The following PRKDC variants were observed in gnomAD, a reference collection of about 807,000 sequenced individuals.
PRKDC encodes DNA-dependent protein kinase catalytic subunit.
Under a neutral mutation model 486.9 loss-of-function variants are expected in PRKDC, and 82 were observed. That is an observed-to-expected ratio of 0.17 (90% CI 0.14 to 0.20). The LOEUF (loss-of-function observed/expected upper bound fraction) is 0.20. Among genes scored for constraint, PRKDC ranks in the 10% least tolerant of loss-of-function variants. The probability of loss-of-function intolerance (pLI) is 1.00; values close to 1 mark genes in which losing one functional copy is unlikely to be tolerated. For missense variants in PRKDC, 4,504 were observed against 5,038.2 expected (o/e 0.89, Z 3.21); for synonymous variants, 1,895 against 1,837.0 (o/e 1.03, Z -0.81).
intron 30 of PRKDC, among the ~76,000 whole-genome samples, chr8:47,895,595 G>A (rs192812945): frequency 1.3e-5 from 2 of 152,140 alleles, no homozygotes; most frequent in East Asian, 1.9e-4. Context: ...TCAGGGTCTC[G>A]GTTTCTACTA....
At chr8:47,897,495 T>C (rs535611418) in intron 29 of PRKDC, among the ~76,000 whole-genome samples, 3 of 152,382 alleles carry the variant, frequency 2.0e-5, no homozygotes, top group Non-Finnish European at 4.4e-5. Flanking sequence ...ATGCTGCTCA[T>C]GTTCATTTTT....
At chr8:47,798,658 T>C (rs572981207) in intron 72 of PRKDC, among the ~76,000 whole-genome samples, 4 of 152,316 alleles carry the variant, frequency 2.6e-5, no homozygotes, top group South Asian at 2.1e-4. Flanking sequence ...CTGGTGGTTA[T>C]TGAATTTATT....
At position 47,776,884 on chromosome 8, in the gene PRKDC, T is replaced by C. The variant is rs773752536; in HGVS notation, c.12142A>G (p.Lys4048Glu). 1.9e-6 allele frequency: 3 copies of C among 1,613,990 alleles called. No individual in the cohort carries two copies. Among genetic ancestry groups the C allele is most frequent in the South Asian group, 1.1e-5 (1 of 91,064 alleles). The change falls in exon 85 of 86, where the codon AAG (lysine) becomes GAG (glutamate). Residue 4048 changes from lysine to glutamate, a missense_variant. Around this residue, in one of 6 missense-constraint regions of PRKDC, gnomAD observed 706 missense variants for 945.0 expected, o/e 0.75. Transcript: ENST00000314191. Reference sequence around the variant, plus strand: ...GGATTGGCACCTGCTAACTTTCTCTTAGCGTAACATATTTTCTGTCGGGGG... The same window carrying C: ...GGATTGGCACCTGCTAACTTTCTCTCAGCGTAACATATTTTCTGTCGGGGG... ...WYPRQKICYA[K>E]RKLAGANPAV...
At position 47,939,671 on chromosome 8, in the gene PRKDC, T is replaced by C; in HGVS notation, c.993A>G (p.Ala331=). The stretch of plus-strand genomic sequence containing the variant: ...ACTGCAGTTTATTTTTATGCATTTC[T>C]GCATTTTTCGCCACCATATTAGAAA... The part of the protein sequence containing the change: ...KQVSNMVAKN[A]EMHKNKLQYF... The change falls in exon 11 of 86, where the codon GCA becomes GCG. Residue 331 remains alanine, a synonymous_variant. Transcript: ENST00000314191. The C allele has an allele frequency of 3.1e-6, 5 of 1,604,448 alleles. No homozygotes were observed. In the South Asian group the frequency reaches 5.7e-5, roughly 18 times the overall value.
At chr8:47,836,220 T>C (rs1306775122) in intron 58 of PRKDC, 118 bp downstream of exon 58, 4 of 1,065,574 alleles carry the variant, frequency 3.8e-6, no homozygotes, top group Admixed American at 3.5e-5. Context: ...CTTGGGTTCT[T>C]AACGCTTTTT....
intron 60 of PRKDC, among the ~76,000 whole-genome samples, chr8:47,831,025 G>A (rs1404048670): frequency 6.6e-6 from 1 of 152,210 alleles, no homozygotes; most frequent in South Asian, 2.1e-4. Flanking sequence ...CTGGAGAGCT[G>A]CATCTCTGGA....
chr8:47,927,432 A>G (rs2090172665), intron 20 of PRKDC, 79 bp from the exon 21 acceptor site: 1 of 1,440,910 alleles, frequency 6.9e-7, no homozygotes, highest in South Asian at 1.3e-5. Context: ...AGTAATTGTG[A>G]TTTCTAATTA....
chr8:47,940,358 A>G (rs1331944433), intron 10 of PRKDC, among the ~76,000 whole-genome samples: 2 of 152,236 alleles, frequency 1.3e-5, no homozygotes, highest in Non-Finnish European at 2.9e-5. Context: ...GTATTCAAAG[A>G]GCATTCCCCA....
At chr8:47,925,059 C>T (rs1028784143) in intron 21 of PRKDC, among the ~76,000 whole-genome samples, 1 of 152,232 alleles carries the variant, frequency 6.6e-6, no homozygotes, top group Non-Finnish European at 1.5e-5. Context: ...AAACCCCATG[C>T]CAGGCCACCC....
Position 47,826,023 on chromosome 8 carries a change from G to A in PRKDC, c.8783+633C>T, listed in dbSNP as rs1445047137. ...ACATGAATTAACTACAAAACAGCAC[G>A]AAGCACAAGGATCCCCTCCCTTACT... is the stretch of plus-strand genomic sequence containing the variant. On this transcript the variant is annotated intron_variant, in intron 63 of 85. Coordinates refer to ENST00000314191, the MANE Select transcript of PRKDC (RefSeq NM_006904.7). Among the ~76,000 whole-genome samples the A allele has an allele frequency of 3.3e-5, 5 of 152,310 alleles. 1 individual carries two copies. The highest frequency in any genetic ancestry group is 4.1e-4 in the South Asian group (2 of 4,826).
At position 47,943,885 on chromosome 8, in the gene PRKDC, T is replaced by C; in HGVS notation, c.778-2A>G. ...CACAGCATATCTCTTCAGATCAATC[T>C]ATTTTAGAAAAGAAAAATTCACCAT... On this transcript the variant is annotated splice_acceptor_variant, in intron 8 of 85. Coordinates refer to ENST00000314191, the MANE Select transcript of PRKDC (RefSeq NM_006904.7). LOFTEE classifies it high-confidence loss of function. 6.3e-7 allele frequency: 1 copy of C among 1,592,664 alleles called. No homozygotes were observed. The highest frequency in any genetic ancestry group is 8.6e-7 in the Non-Finnish European group (1 of 1,167,268).
intron 40 of PRKDC, among the ~76,000 whole-genome samples, chr8:47,874,870 T>C (rs548425253): frequency 6.6e-6 from 1 of 152,116 alleles, no homozygotes; most frequent in African/African-American, 2.4e-5. Context: ...GCCTGGGCAA[T>C]ATGGCAAAAC....
chr8:47,828,287 T>C lies in PRKDC; in HGVS notation c.8458A>G (p.Met2820Val), dbSNP rs766308824. The stretch of plus-strand genomic sequence containing the variant: ...TCAGACAGTGTCTTAAATTTATCCA[T>C]CTCTTTCAAAATTCCAGAAAACAAG... ...SSLFSGILKE[M>V]DKFKTLSEKN... The change falls in exon 62 of 86, where the codon ATG becomes GTG. Residue 2820 changes from methionine (M) to valine (V), a missense_variant. By Grantham distance (21) the Met-to-Val change is conservative. Coordinates refer to ENST00000314191, the MANE Select transcript of PRKDC (RefSeq NM_006904.7). 1.2e-6 allele frequency: 2 copies of C among 1,606,792 alleles called. No individual in the cohort carries two copies. The highest frequency in any genetic ancestry group is 2.2e-5 in the East Asian group (1 of 44,794).
chr8:47,920,681 T>A (rs764004712), intron 21 of PRKDC, among the ~76,000 whole-genome samples: 2 of 152,254 alleles, frequency 1.3e-5, no homozygotes, highest in Non-Finnish European at 2.9e-5. Flanking sequence ...TAAATAAATG[T>A]ATTTTATCTA....
chr8:47,852,052 G>A (rs542497212), intron 52 of PRKDC, among the ~76,000 whole-genome samples: 1 of 152,316 alleles, frequency 6.6e-6, no homozygotes, highest in African/African-American at 2.4e-5. Flanking sequence ...GGAGTGCAAG[G>A]CTGCAGTGTG....
chr8:47,794,553 G>A (rs936939392), intron 73 of PRKDC, 52 bp from the exon 74 acceptor site: 29 of 1,395,194 alleles, frequency 2.1e-5, no homozygotes, highest in Non-Finnish European at 2.8e-5. Context: ...CACATCATCT[G>A]TTATAAAAGT....
chr8:47,817,667 C>A, intron 67 of PRKDC, 106 bp from the exon 68 acceptor site: 2 of 644,816 alleles, frequency 3.1e-6, no homozygotes, highest in African/African-American at 1.8e-5. Flanking sequence ...GCCCAAATTA[C>A]AAAAAAGTCC....
chr8:47,836,425 C>T lies in PRKDC; in HGVS notation c.7864G>A (p.Glu2622Lys), dbSNP rs867627435. The part of the protein sequence containing the change: ...SQGTLQTRTQ[E>K]GSLSARWPVA... ...GGCCAGCGAGCTGAGAGGGACCCTTCCTGGGTACGGGTCTGGAGAGTGCCC... is the reference window on the plus strand; with the variant it reads ...GGCCAGCGAGCTGAGAGGGACCCTTTCTGGGTACGGGTCTGGAGAGTGCCC... Residue 2622 changes from glutamate (E) to lysine (K), a missense_variant, in exon 58 of 86, where the codon GAA becomes AAA. By Grantham distance (56) the Glu-to-Lys change is moderately conservative (BLOSUM62 1). Coordinates refer to ENST00000314191, the MANE Select transcript of PRKDC (RefSeq NM_006904.7). The T allele has an allele frequency of 6.2e-7, 1 of 1,613,042 alleles. No individual in the cohort carries two copies. Among genetic ancestry groups the T allele is most frequent in the Non-Finnish European group, 8.5e-7 (1 of 1,179,480 alleles).
Position 47,828,230 on chromosome 8 carries a change from C to A in PRKDC, c.8515G>T (p.Asp2839Tyr). The A allele has an allele frequency of 1.2e-6, 2 of 1,613,654 alleles. No homozygotes were observed. The highest frequency in any genetic ancestry group is 1.7e-6 in the Non-Finnish European group (2 of 1,179,724). ...GTGGTATTAAGAAAACGATTGAAGT[C>A]TTGAAGCAACTTTTGAGTGATGTTG... ...KNNITQKLLQDFNRFLNTTFS... is the reference protein window; with the variant it reads ...KNNITQKLLQYFNRFLNTTFS... Residue 2839 changes from aspartate (D) to tyrosine (Y), a missense_variant, in exon 62 of 86, where the codon GAC (aspartate) becomes TAC (tyrosine). Coordinates refer to ENST00000314191, the MANE Select transcript of PRKDC (RefSeq NM_006904.7).
Sources: gnomAD v4.1 joint callset for allele counts (sites outside exome capture counted in the v4.1 genomes callset) on GRCh38, gnomAD v4.1.1 for gene constraint, gnomAD v4.1.1 regional missense constraint, MANE v1.5 for transcripts, NCBI Gene and HGNC (gene_info 2026-07-23, HGNC 2026-07-21) for gene names.